Variants in ME3 observed in about 807,000 individuals in gnomAD.
ME3 encodes the protein NADP-dependent malic enzyme, mitochondrial.
ME3 carries 48 observed loss-of-function variants against 68.9 expected under a neutral mutation model. The observed-to-expected ratio is 0.70, with a 90% CI of 0.55 to 0.89. The LOEUF (loss-of-function observed/expected upper bound fraction) is 0.89. Among genes scored for constraint, ME3 ranks in the 40% least tolerant of loss-of-function variants. The pLI is 0.00. For synonymous variants in ME3, 320 were observed against 318.8 expected (o/e 1.00, Z -0.04); for missense variants, 675 against 797.4 (o/e 0.85, Z 1.85).
chr11:86,557,041 G>A lies in ME3; in HGVS notation c.318-339C>T, dbSNP rs557789474. ...ATTGACTCACCCCAATTCTCATGGC[G>A]TGTGGGAATTTGAATCTAAGCAGTC... On this transcript the variant is annotated intron_variant, in intron 3 of 14. Coordinates refer to ENST00000543262, the Ensembl canonical transcript of ME3. Among the ~76,000 whole-genome samples, 75 of 152,334 alleles carry A rather than the reference G, an allele frequency of 4.9e-4. 1 individual carries two copies. The highest frequency in any genetic ancestry group is 1.2e-3 in the South Asian group (6 of 4,830).
chr11:86,592,572 C>T (rs1220706675), intron 2 of ME3, among the ~76,000 whole-genome samples: 2 of 152,138 alleles, frequency 1.3e-5, no homozygotes, highest in Admixed American at 6.5e-5. Context: ...GTTTGGGAAT[C>T]TCATTGTAAC....
At chr11:86,661,237 G>A (rs1403307644) in intron 2 of ME3, among the ~76,000 whole-genome samples, 1 of 152,276 alleles carries the variant, frequency 6.6e-6, no homozygotes, top group Non-Finnish European at 1.5e-5. Context: ...ACATGCCAAA[G>A]AAATGTAGAG....
chr11:86,597,340 CAGTT>C (rs1959670553), intron 2 of ME3, among the ~76,000 whole-genome samples: 1 of 152,244 alleles, frequency 6.6e-6, no homozygotes, highest in African/African-American at 2.4e-5. Flanking sequence ...GTGATAGAGA[CAGTT>C]AGCAGCTTAA....
At chr11:86,637,217 G>A (rs1944386671) in intron 2 of ME3, among the ~76,000 whole-genome samples, 2 of 152,054 alleles carry the variant, frequency 1.3e-5, no homozygotes, top group Non-Finnish European at 2.9e-5. Flanking sequence ...ATACTATGAA[G>A]CATCTGCCAT....
intron 2 of ME3, among the ~76,000 whole-genome samples, chr11:86,631,251 A>T (rs921058245): frequency 1.3e-5 from 2 of 152,230 alleles, no homozygotes; most frequent in African/African-American, 4.8e-5. Flanking sequence ...GGGATTTCCA[A>T]TTCTGAAGCC....
intron 4 of ME3, among the ~76,000 whole-genome samples, chr11:86,545,257 A>G (rs1594383537): frequency 1.3e-5 from 2 of 152,360 alleles, no homozygotes; most frequent in East Asian, 3.9e-4. Flanking sequence ...GAAAACTGGC[A>G]CAAGACAAGG....
chr11:86,617,696 T>C (rs1272988893), intron 2 of ME3, among the ~76,000 whole-genome samples: 1 of 152,194 alleles, frequency 6.6e-6, no homozygotes, highest in Non-Finnish European at 1.5e-5. Flanking sequence ...CAAATTATTT[T>C]AGTATGAAAG....
chr11:86,605,237 T>C (rs112187689), intron 2 of ME3, among the ~76,000 whole-genome samples: 125 of 152,320 alleles, frequency 8.2e-4, no homozygotes, highest in African/African-American at 2.8e-3. Context: ...GCAAATTATT[T>C]ATCCATTCAT....
At chr11:86,466,784 G>A (rs1015064737) in intron 7 of ME3, among the ~76,000 whole-genome samples, 2 of 152,156 alleles carry the variant, frequency 1.3e-5, no homozygotes, top group African/African-American at 4.8e-5. Flanking sequence ...ACATTACAGG[G>A]GCAGAAACAC....
At chr11:86,591,105 G>A (rs957761155) in intron 2 of ME3, among the ~76,000 whole-genome samples, 2 of 152,164 alleles carry the variant, frequency 1.3e-5, no homozygotes, top group South Asian at 2.1e-4. Context: ...CCTAAGCACT[G>A]CTTTGGCATT....
chr11:86,462,791 CAG>C, intron 8 of ME3: 2 of 436,648 alleles, frequency 4.6e-6, no homozygotes, highest in Admixed American at 4.9e-5. Flanking sequence ...AGAGAACTGA[CAG>C]AGGGGAACAC....
At chr11:86,499,035 T>C (rs561996545) in intron 5 of ME3, among the ~76,000 whole-genome samples, 1 of 152,126 alleles carries the variant, frequency 6.6e-6, no homozygotes, top group Non-Finnish European at 1.5e-5. Context: ...TGCAGCAGAA[T>C]AGCATAAAGG....
At chr11:86,585,840 A>T (rs1023576605) in intron 2 of ME3, among the ~76,000 whole-genome samples, 4 of 152,168 alleles carry the variant, frequency 2.6e-5, no homozygotes, top group Non-Finnish European at 4.4e-5. Context: ...GGAGACTGAG[A>T]TGGGACAGCG....
intron 10 of ME3, 91 bp from the exon 11 acceptor site, chr11:86,448,346 G>T: frequency 1.1e-6 from 1 of 935,074 alleles, no homozygotes; most frequent in Non-Finnish European, 1.7e-6. Flanking sequence ...AGCGTTTCCT[G>T]CTGAGCCCCA....
chr11:86,488,654 C>T (rs764460666), intron 6 of ME3, among the ~76,000 whole-genome samples: 11 of 152,182 alleles, frequency 7.2e-5, no homozygotes, highest in African/African-American at 1.9e-4. Flanking sequence ...CAACTTTCCA[C>T]GTCTTCCATT....
chr11:86,501,713 C>T (rs1952737455), intron 5 of ME3, among the ~76,000 whole-genome samples: 1 of 152,194 alleles, frequency 6.6e-6, no homozygotes, highest in South Asian at 2.1e-4. Context: ...CCTGTATCTT[C>T]CAAGTTCAAA....
At chr11:86,457,468 A>T in intron 8 of ME3, 1 of 1,029,392 alleles carries the variant, frequency 9.7e-7, no homozygotes, top group Non-Finnish European at 1.2e-6. Flanking sequence ...ACTGTTGCCC[A>T]TTTTTTTCCT....
chr11:86,568,761 G>T (rs528516130), intron 2 of ME3, among the ~76,000 whole-genome samples: 1 of 152,330 alleles, frequency 6.6e-6, no homozygotes, highest in African/African-American at 2.4e-5. Context: ...GATCTGCCTA[G>T]TGCCTCTAGA....
intron 2 of ME3, among the ~76,000 whole-genome samples, chr11:86,597,157 G>A (rs559158615): frequency 7.2e-5 from 11 of 152,322 alleles, no homozygotes; most frequent in African/African-American, 2.4e-4. Flanking sequence ...TCAGCAGCAG[G>A]ACTCCACTTC....
Sources: gnomAD v4.1 joint callset for allele counts (sites outside exome capture counted in the v4.1 genomes callset) on GRCh38, gnomAD v4.1.1 for gene constraint, MANE v1.5 for transcripts, NCBI Gene and HGNC (gene_info 2026-07-23, HGNC 2026-07-21) for gene names.